CYP19A1: variants seen among roughly 807,000 people sequenced by gnomAD.
CYP19A1 encodes aromatase.
CYP19A1 carries 32 observed loss-of-function variants against 44.4 expected under a neutral mutation model. The ratio of observed to expected loss-of-function variants is 0.72; its 90% CI spans 0.54 to 0.97. The LOEUF (loss-of-function observed/expected upper bound fraction) is 0.97. Among genes scored for constraint, CYP19A1 ranks in the 50% least tolerant of loss-of-function variants. The pLI, the probability that CYP19A1 is intolerant of heterozygous loss-of-function variation, is 0.00. For missense variants in CYP19A1, 598 were observed against 637.8 expected (o/e 0.94, Z 0.67); for synonymous variants, 212 against 215.6 (o/e 0.98, Z 0.14).
chr15:51,297,817 G>GACACAC (rs1159870053), intron 1 of CYP19A1, among the ~76,000 whole-genome samples: 11,295 of 111,616 alleles, frequency 0.1, 741 homozygotes, highest in East Asian at 0.14. Flanking sequence ...CTGTAGGCAT[G>GACACAC]ACACACACAC....
Position 51,236,909 on chromosome 15 carries a change from T to C in CYP19A1, c.246A>G (p.Gly82=), listed in dbSNP as rs746996730. ...SACNYYNRVY[G]EFMRVWISGE... ...CAGAGATCCAGACTCGCATGAATTC[T>C]CCATATACCCGGTTGTAGTAGTTGC... is the stretch of plus-strand genomic sequence containing the variant. Residue 82 remains glycine (G), a synonymous_variant, in exon 3 of 10, where the codon GGA becomes GGG. Coordinates refer to ENST00000396402, the MANE Select transcript of CYP19A1 (RefSeq NM_000103.4). 3 of 1,614,232 alleles carry C rather than the reference T, an allele frequency of 1.9e-6. No individual in the cohort carries two copies. The highest frequency in any genetic ancestry group is 3.3e-4 in the Middle Eastern group (2 of 6,062).
chr15:51,247,121 G>A (rs1250154912), intron 1 of CYP19A1, among the ~76,000 whole-genome samples: 3 of 152,108 alleles, frequency 2.0e-5, no homozygotes, highest in African/African-American at 7.2e-5. Flanking sequence ...GATGGTTGTG[G>A]CAGGCTTCTC....
intron 1 of CYP19A1, among the ~76,000 whole-genome samples, chr15:51,247,839 C>T (rs2034133759): frequency 6.6e-6 from 1 of 152,148 alleles, no homozygotes; most frequent in Non-Finnish European, 1.5e-5. Flanking sequence ...TAACCATATC[C>T]AGTCACAAAG....
At chr15:51,220,085 T>C (rs1403692472) in intron 5 of CYP19A1, among the ~76,000 whole-genome samples, 1 of 152,176 alleles carries the variant, frequency 6.6e-6, no homozygotes, top group African/African-American at 2.4e-5. Context: ...TAGCATGTGT[T>C]CCAGTTCAGC....
intron 8 of CYP19A1, 45 bp from the exon 9 acceptor site, chr15:51,212,606 C>T: frequency 7.8e-6 from 10 of 1,283,450 alleles, no homozygotes; most frequent in Non-Finnish European, 6.8e-6. Flanking sequence ...TGTTAGTTTC[C>T]ATCTGTGATT....
At chr15:51,319,045 A>G (rs1253881280) in intron 1 of CYP19A1, 1 of 152,182 alleles carries the variant, frequency 6.6e-6, no homozygotes, top group Non-Finnish European at 1.5e-5. Flanking sequence ...TCATTGCGCA[A>G]CTATGAGGGG....
At position 51,241,448 on chromosome 15, in the gene CYP19A1, G is replaced by C. The variant is rs542806226; in HGVS notation, c.145+1320C>G. 4.6e-5 allele frequency among the ~76,000 whole-genome samples: 7 copies of C among 152,314 alleles called. No individual in the cohort carries two copies. In the East Asian group the frequency reaches 1.2e-3, roughly 25 times the overall value. On this transcript the variant is annotated intron_variant, in intron 2 of 9. Transcript: ENST00000396402. Reference sequence around the variant, plus strand: ...GGATGGGCAATGCTGCGTGGGCAATGCTGGACTCTCCTGGCCTGATTGTCT... The same window carrying C: ...GGATGGGCAATGCTGCGTGGGCAATCCTGGACTCTCCTGGCCTGATTGTCT...
At chr15:51,301,368 T>C (rs532508473) in intron 1 of CYP19A1, among the ~76,000 whole-genome samples, 7 of 152,246 alleles carry the variant, frequency 4.6e-5, no homozygotes, top group Admixed American at 1.3e-4. Flanking sequence ...GTTAGATCAA[T>C]TTAGCCTTTC....
intron 4 of CYP19A1, among the ~76,000 whole-genome samples, chr15:51,227,387 C>T (rs889770648): frequency 6.6e-6 from 1 of 152,118 alleles, no homozygotes. Context: ...TGATTTCAGA[C>T]TAGGAATGAT....
At chr15:51,238,506 T>A (rs1289992027) in intron 2 of CYP19A1, among the ~76,000 whole-genome samples, 2 of 152,234 alleles carry the variant, frequency 1.3e-5, no homozygotes, top group African/African-American at 4.8e-5. Context: ...TCCTTTTTTT[T>A]GAGACAGAGT....
chr15:51,330,579 G>C (rs1040049267), intron 1 of CYP19A1, among the ~76,000 whole-genome samples: 1 of 152,178 alleles, frequency 6.6e-6, no homozygotes, highest in East Asian at 1.9e-4. Context: ...CAACAGGCAG[G>C]GTTTGGGTAT....
chr15:51,214,606 G>C (rs1198311264), intron 8 of CYP19A1, among the ~76,000 whole-genome samples: 1 of 152,216 alleles, frequency 6.6e-6, no homozygotes, highest in Non-Finnish European at 1.5e-5. Context: ...CCCTGGGAGA[G>C]TCCACAAAAG....
At chr15:51,313,891 G>A (rs991528002) in intron 1 of CYP19A1, 2 of 152,124 alleles carry the variant, frequency 1.3e-5, no homozygotes, top group African/African-American at 4.8e-5. Flanking sequence ...CTGACTGACT[G>A]TGCTTTCCTA....
At chr15:51,313,742 A>G (rs2036363620) in intron 1 of CYP19A1, among the ~76,000 whole-genome samples, 1 of 152,156 alleles carries the variant, frequency 6.6e-6, no homozygotes, top group Non-Finnish European at 1.5e-5. Flanking sequence ...GGTTGCAGTG[A>G]GCTGAGATCA....
chr15:51,265,609 A>G (rs945241097), intron 1 of CYP19A1, among the ~76,000 whole-genome samples: 1 of 152,086 alleles, frequency 6.6e-6, no homozygotes, highest in South Asian at 2.1e-4. Flanking sequence ...CGACCTGCTC[A>G]CCTGTCTTCT....
At chr15:51,261,256 A>C (rs538730732) in intron 1 of CYP19A1, among the ~76,000 whole-genome samples, 1 of 152,300 alleles carries the variant, frequency 6.6e-6, no homozygotes, top group East Asian at 1.9e-4. Flanking sequence ...CTGTGAGGCC[A>C]AGAACCCCAG....
At chr15:51,265,566 G>C (rs1261393074) in intron 1 of CYP19A1, among the ~76,000 whole-genome samples, 1 of 152,122 alleles carries the variant, frequency 6.6e-6, no homozygotes, top group Non-Finnish European at 1.5e-5. Context: ...AGATTTCCCA[G>C]TCCTGACTGC....
At chr15:51,241,210 C>G (rs1047275576) in intron 2 of CYP19A1, among the ~76,000 whole-genome samples, 2 of 152,336 alleles carry the variant, frequency 1.3e-5, no homozygotes, top group East Asian at 1.9e-4. Flanking sequence ...CTTGTCCTAA[C>G]AGGCTGACCT....
intron 1 of CYP19A1, among the ~76,000 whole-genome samples, chr15:51,254,190 A>T (rs1245632466): frequency 6.6e-6 from 1 of 152,220 alleles, no homozygotes; most frequent in Non-Finnish European, 1.5e-5. Flanking sequence ...AACTAGCTAA[A>T]CTGCCTGTGG....
Sources: gnomAD v4.1 joint callset for allele counts (sites outside exome capture counted in the v4.1 genomes callset) on GRCh38, gnomAD v4.1.1 for gene constraint, MANE v1.5 for transcripts, NCBI Gene and HGNC (gene_info 2026-07-23, HGNC 2026-07-21) for gene names.